Variants in SLC39A7 observed in about 807,000 individuals in gnomAD.
The protein encoded by SLC39A7 is zinc transporter SLC39A7.
A neutral mutation model predicts 39.7 loss-of-function variants in SLC39A7; 25 were observed. The ratio of observed to expected loss-of-function variants is 0.63; its 90% CI spans 0.46 to 0.88. The LOEUF is 0.88. Ranked by LOEUF, SLC39A7 falls within the 40% of genes least tolerant of loss-of-function variation. The pLI is 0.00. For synonymous variants in SLC39A7, 181 were observed against 234.1 expected (o/e 0.77, Z 2.07); for missense variants, 501 against 592.1 (o/e 0.85, Z 1.60).
rs371327221 is a variant in SLC39A7, at chr6:33,201,222, G to T, written c.-24G>T. 1 of 1,590,868 alleles carries T rather than the reference G, an allele frequency of 6.3e-7. No individual in the cohort carries two copies. The highest frequency in any genetic ancestry group is 8.5e-7 in the Non-Finnish European group (1 of 1,170,942). On this transcript the variant is annotated 5_prime_UTR_variant, in exon 1 of 7. Coordinates refer to ENST00000374677, the MANE Select transcript of SLC39A7 (RefSeq NM_006979.3). This position sits in a 1 kb window ranked among gnomAD's most constrained non-coding sequence, Gnocchi z 5.9. ...TAGAGTTGAGTCAAGTGGAGTCACT[G>T]CCTCTGTCCCTCTGGTCAGCGTGAT...
At position 33,203,903 on chromosome 6, in the gene SLC39A7, T is replaced by G. The variant is rs552235200; in HGVS notation, c.*90T>G. 3.4e-5 allele frequency: 45 copies of G among 1,327,636 alleles called. No individual in the cohort carries two copies. In the South Asian group the frequency reaches 5.5e-4, roughly 16 times the overall value. 82.2% of individuals were successfully genotyped at this position (1,327,636 alleles called of 1,614,324 possible). ...GTTGGGGGCCCTGGCCAGGGACATC[T>G]GCCAAAGGAAGGAACTGTAGCCTGG... is the stretch of plus-strand genomic sequence containing the variant. On this transcript the variant is annotated 3_prime_UTR_variant, in exon 7 of 7. Coordinates refer to ENST00000374677, the MANE Select transcript of SLC39A7 (RefSeq NM_006979.3).
chr6:33,203,146 T>C, intron 6 of SLC39A7, 40 bp downstream of exon 6: 1 of 1,510,580 alleles, frequency 6.6e-7, no homozygotes, highest in Non-Finnish European at 8.9e-7. Context: ...TCAAACCCTT[T>C]ATCTCTCCTC....
At position 33,202,307 on chromosome 6, in the gene SLC39A7, A is replaced by ACCT. The variant is rs745973540; in HGVS notation, c.679_680insCCT (p.Ile227delinsThrPhe). On this transcript the variant is annotated protein_altering_variant, in exon 4 of 7. Transcript: ENST00000374677. ...TGTGGGACTGTGGGTTCTCAGTGGA[A>ACCT]TTGTTGCCTTTCTTGTCGTGGAGAA... 1 of 1,612,774 alleles carries ACCT rather than the reference A, an allele frequency of 6.2e-7. No individual in the cohort carries two copies. Among genetic ancestry groups the ACCT allele is most frequent in the Non-Finnish European group, 8.5e-7 (1 of 1,179,914 alleles).
Position 33,201,595 on chromosome 6 carries a change from A to C in SLC39A7, c.350A>C (p.Tyr117Ser). The C allele has an allele frequency of 6.2e-7, 1 of 1,613,450 alleles. No individual in the cohort carries two copies. Reference sequence around the variant, plus strand: ...GACCATGAGCATAGCCATGGAGGCTATGGGGAGTCTGGGGCTCCAGGCATC... The same window carrying C: ...GACCATGAGCATAGCCATGGAGGCTCTGGGGAGTCTGGGGCTCCAGGCATC... ...GHDHEHSHGG[Y>S]GESGAPGIKQ... The change falls in exon 1 of 7, where the codon TAT becomes TCT. Residue 117 changes from tyrosine to serine, a missense_variant. Coordinates refer to ENST00000374677, the MANE Select transcript of SLC39A7 (RefSeq NM_006979.3). The surrounding 1 kb of genome is among the most constrained non-coding windows in gnomAD (Gnocchi z 5.9).
Position 33,201,133 on chromosome 6 carries a change from G to T in SLC39A7, c.-113G>T. ...AATGTAGGTGGGAACTTAAGGGAAT[G>T]GGAGAGCGGCCCATAGAGGTGGACG... On this transcript the variant is annotated 5_prime_UTR_variant, in exon 1 of 7. An upstream start codon of the reference 5' UTR is lost. Transcript: ENST00000374677. This position sits in a 1 kb window ranked among gnomAD's most constrained non-coding sequence, Gnocchi z 5.9. 9.6e-7 allele frequency: 1 copy of T among 1,044,288 alleles called. No individual in the cohort carries two copies. The highest frequency in any genetic ancestry group is 1.5e-5 in the South Asian group (1 of 67,638). 64.7% of individuals were successfully genotyped at this position (1,044,288 alleles called of 1,614,324 possible).
At position 33,200,868 on chromosome 6, in the gene SLC39A7, T is replaced by C. The variant is rs1774472635; in HGVS notation, c.-378T>C. 6.8e-7 allele frequency: 1 copy of C among 1,467,594 alleles called. No individual in the cohort carries two copies. The highest frequency in any genetic ancestry group is 9.2e-7 in the Non-Finnish European group (1 of 1,084,346). 90.9% of individuals were successfully genotyped at this position (1,467,594 alleles called of 1,614,324 possible). On this transcript the variant is annotated 5_prime_UTR_variant, in exon 1 of 7. Coordinates refer to ENST00000374677, the MANE Select transcript of SLC39A7 (RefSeq NM_006979.3). The surrounding 1 kb of genome is among the most constrained non-coding windows in gnomAD (Gnocchi z 6.3). ...AGGGCGAAGGTGGAACGGAACTTCC[T>C]GTTCTCGCGGGATCTAAAGGCGGGA...
chr6:33,203,029 A>T lies in SLC39A7; in HGVS notation c.1060A>T (p.Thr354Ser), dbSNP rs1774734002. 1 of 1,612,606 alleles carries T rather than the reference A, an allele frequency of 6.2e-7. No homozygotes were observed. The highest frequency in any genetic ancestry group is 8.5e-7 in the Non-Finnish European group (1 of 1,179,870). The change falls in exon 6 of 7, where the codon ACT (threonine) becomes TCT (serine). Residue 354 changes from threonine to serine, a missense_variant. Transcript: ENST00000374677. ...GGGACTAGGGATCCTGACCACAATG[A>T]CTGTCCTGCTACATGAAGTGCCCCA... The part of the protein sequence containing the change: ...GRGLGILTTM[T>S]VLLHEVPHEV...
At position 33,201,085 on chromosome 6, in the gene SLC39A7, T is replaced by C. The variant is rs1583429923; in HGVS notation, c.-161T>C. 1.2e-6 allele frequency: 1 copy of C among 828,326 alleles called. No individual in the cohort carries two copies. The highest frequency in any genetic ancestry group is 1.6e-5 in the South Asian group (1 of 63,924). 51.3% of individuals were successfully genotyped at this position (828,326 alleles called of 1,614,324 possible). ...CCTACATCCGGGAGGTGGTTCGGGA[T>C]AAAGAGAACTAGTCTTGGGAACAAT... On this transcript the variant is annotated 5_prime_UTR_variant, in exon 1 of 7. Coordinates refer to ENST00000374677, the MANE Select transcript of SLC39A7 (RefSeq NM_006979.3). This position sits in a 1 kb window ranked among gnomAD's most constrained non-coding sequence, Gnocchi z 5.9.
At position 33,202,343 on chromosome 6, in the gene SLC39A7, C is replaced by A; in HGVS notation, c.715C>A (p.His239Asn). 1.2e-6 allele frequency: 2 copies of A among 1,612,958 alleles called. No homozygotes were observed. Among genetic ancestry groups the A allele is most frequent in the Non-Finnish European group, 1.7e-6 (2 of 1,179,990 alleles). ...TCTTGTCGTGGAGAAATTTGTGAGA[C>A]ATGTGAAAGGAGGACATGGTCACAG... is the stretch of plus-strand genomic sequence containing the variant. ...AFLVVEKFVR[H>N]VKGGHGHSHG... Residue 239 changes from histidine to asparagine, a missense_variant, in exon 4 of 7, where the codon CAT (histidine) becomes AAT (asparagine). His to Asn is a moderately conservative substitution (Grantham distance 68). Coordinates refer to ENST00000374677, the MANE Select transcript of SLC39A7 (RefSeq NM_006979.3).
chr6:33,203,569 T>C lies in SLC39A7; in HGVS notation c.1166T>C (p.Val389Ala), dbSNP rs371668154. ...ATGCGTCTGCAACTACTGACAGCAG[T>C]AGGGGCACTGGCAGGCACAGCCTGT... ...QAMRLQLLTAVGALAGTACAL... is the reference protein window; with the variant it reads ...QAMRLQLLTAAGALAGTACAL... The change falls in exon 7 of 7, where the codon GTA becomes GCA. Residue 389 changes from valine (V) to alanine (A), a missense_variant. Physicochemically the swap from Val to Ala is moderately conservative, Grantham distance 64 (BLOSUM62 0). Coordinates refer to ENST00000374677, the MANE Select transcript of SLC39A7 (RefSeq NM_006979.3). The C allele has an allele frequency of 9.9e-6, 16 of 1,614,242 alleles. No individual in the cohort carries two copies. Among genetic ancestry groups the C allele is most frequent in the Non-Finnish European group, 1.4e-5 (16 of 1,180,036 alleles).
intron 3 of SLC39A7, 47 bp from the exon 4 acceptor site, chr6:33,202,216 G>C: frequency 1.9e-6 from 3 of 1,599,376 alleles, no homozygotes; most frequent in Non-Finnish European, 2.6e-6. Flanking sequence ...AGGAGGAGGA[G>C]TCTGGAATGC....
At position 33,204,399 on chromosome 6, in the gene SLC39A7, G is replaced by T. The variant is rs1402060799; in HGVS notation, c.*586G>T. On this transcript the variant is annotated 3_prime_UTR_variant, in exon 7 of 7. Transcript: ENST00000374677. ...ACTGTGTTTGAATCGAGGGGGAGGG[G>T]TGGTAACCGGAAATAAAGACCTCCG... 2 of 596,638 alleles carry T rather than the reference G, an allele frequency of 3.4e-6. No homozygotes were observed. The highest frequency in any genetic ancestry group is 2.0e-5 in the South Asian group (1 of 50,434). 37.0% of individuals were successfully genotyped at this position (596,638 alleles called of 1,614,324 possible).
rs756494407 is a variant in SLC39A7 at position 33,203,731 on chromosome 6, C to A, written c.1328C>A (p.Ala443Glu). The change falls in exon 7 of 7, where the codon GCA (alanine) becomes GAA (glutamate). Residue 443 changes from alanine to glutamate, a missense_variant. Coordinates refer to ENST00000374677, the MANE Select transcript of SLC39A7 (RefSeq NM_006979.3). ...VSVLPELLRE[A>E]SPLQSLLEVL... Reference sequence around the variant, plus strand: ...GTGTTGCCCGAGCTGCTGAGGGAGGCATCACCATTGCAATCACTTCTGGAG... The same window carrying A: ...GTGTTGCCCGAGCTGCTGAGGGAGGAATCACCATTGCAATCACTTCTGGAG... 1.2e-6 allele frequency: 2 copies of A among 1,614,190 alleles called. No individual in the cohort carries two copies. The highest frequency in any genetic ancestry group is 1.7e-6 in the Non-Finnish European group (2 of 1,180,032).
chr6:33,202,258 C>A lies in SLC39A7; in HGVS notation c.635-5C>A. ...CCCTTAATGTCTCAATGCCTCCATT[C>A]CCAGGCCAGGGCCCCATTCTGTCTG... On this transcript the variant is annotated splice_polypyrimidine_tract_variant and splice_region_variant and intron_variant, in intron 3 of 6. Transcript: ENST00000374677. The A allele has an allele frequency of 6.2e-7, 1 of 1,611,944 alleles. No homozygotes were observed. The highest frequency in any genetic ancestry group is 8.5e-7 in the Non-Finnish European group (1 of 1,179,064).
Position 33,203,640 on chromosome 6 carries a change from G to GGT in SLC39A7, c.1239_1240dup (p.Ala414ValfsTer18). 2.5e-6 allele frequency: 4 copies of GGT among 1,614,232 alleles called. No individual in the cohort carries two copies. Among genetic ancestry groups the GGT allele is most frequent in the Non-Finnish European group, 3.4e-6 (4 of 1,180,046 alleles). ...AGCAGTGGGCAGTGAAATTGCAGGT[G>GGT]GTGCAGGTCCTGGCTGGGTCCTGCC... On this transcript the variant is annotated frameshift_variant, in exon 7 of 7. Coordinates refer to ENST00000374677, the MANE Select transcript of SLC39A7 (RefSeq NM_006979.3). LOFTEE classifies it high-confidence loss of function.
intron 6 of SLC39A7, 79 bp downstream of exon 6, chr6:33,203,185 T>G (rs1774746038): frequency 8.1e-7 from 1 of 1,234,676 alleles, no homozygotes; most frequent in Non-Finnish European, 1.1e-6. Flanking sequence ...CAGCCTCTTA[T>G]TAGTTCCAAA....
Position 33,201,148 on chromosome 6 carries a change from A to C in SLC39A7, c.-98A>C. 1.7e-6 allele frequency: 2 copies of C among 1,175,910 alleles called. No individual in the cohort carries two copies. The highest frequency in any genetic ancestry group is 2.4e-6 in the Non-Finnish European group (2 of 822,630). The allele number at this position is 1,175,910 out of a possible 1,614,324, so 72.8% of individuals were successfully genotyped here. A position where few individuals can be genotyped will look rare whatever the true frequency, so the allele number is the denominator to read the frequency against. On this transcript the variant is annotated 5_prime_UTR_variant, in exon 1 of 7. Transcript: ENST00000374677. This position sits in a 1 kb window ranked among gnomAD's most constrained non-coding sequence, Gnocchi z 5.9. ...TTAAGGGAATGGGAGAGCGGCCCAT[A>C]GAGGTGGACGGAGGGCGCGATTGGA...
intron 6 of SLC39A7, 138 bp from the exon 7 acceptor site, chr6:33,203,403 C>T: frequency 1.1e-6 from 1 of 906,490 alleles, no homozygotes; most frequent in Non-Finnish European, 1.7e-6. Flanking sequence ...CTATTCTAGA[C>T]TGCTCCCTCT....
rs1243430124 is a variant in SLC39A7 at position 33,200,935 on chromosome 6, G to C, written c.-311G>C. On this transcript the variant is annotated 5_prime_UTR_variant, in exon 1 of 7. Coordinates refer to ENST00000374677, the MANE Select transcript of SLC39A7 (RefSeq NM_006979.3). The surrounding 1 kb of genome is among the most constrained non-coding windows in gnomAD (Gnocchi z 6.3). ...AACCGGGAAAGGAGAGGATCCCGGA[G>C]CCGGTGAGAATTCTCTGTTTTTTCT... The C allele has an allele frequency of 2.0e-6, 2 of 1,009,116 alleles. No homozygotes were observed. Among genetic ancestry groups the C allele is most frequent in the African/African-American group, 3.2e-5 (2 of 62,670 alleles). The allele number at this position is 1,009,116 out of a possible 1,614,324, so 62.5% of individuals were successfully genotyped here.
Sources: allele counts gnomAD v4.1 joint callset, GRCh38; gene constraint gnomAD v4.1.1; non-coding constraint Gnocchi (gnomAD v3.1); transcripts MANE v1.5; gene names NCBI Gene and HGNC (gene_info 2026-07-23, HGNC 2026-07-21).